Variants in SPIRE1 observed in about 807,000 individuals in gnomAD.
The protein encoded by SPIRE1 is protein spire homolog 1.
Under a neutral mutation model 94.1 loss-of-function variants are expected in SPIRE1, and 40 were observed. That is an observed-to-expected ratio of 0.43 (90% CI 0.33 to 0.55). The LOEUF is 0.55. Ranked by LOEUF, SPIRE1 falls within the 20% of genes least tolerant of loss-of-function variation. The probability of loss-of-function intolerance (pLI) is 0.06; values close to 1 mark genes in which losing one functional copy is unlikely to be tolerated. For synonymous variants in SPIRE1, 376 were observed against 371.7 expected (o/e 1.01, Z -0.13); for missense variants, 838 against 975.2 (o/e 0.86, Z 1.87).
chr18:12,588,618 A>C lies in SPIRE1; in HGVS notation c.373-41714T>G, dbSNP rs994960074. 1.1e-3 allele frequency among the ~76,000 whole-genome samples: 167 copies of C among 151,566 alleles called. 1 individual carries two copies. The highest frequency in any genetic ancestry group is 7.0e-3 in the East Asian group (36 of 5,164). Reference sequence around the variant, plus strand: ...CTTGTCTCACTTTAAAAAAAAAAAAAAAAAAAACCTCCGTGGACTTGCTCC... The same window carrying C: ...CTTGTCTCACTTTAAAAAAAAAAAACAAAAAAACCTCCGTGGACTTGCTCC... On this transcript the variant is annotated intron_variant, in intron 2 of 16. Coordinates refer to ENST00000409402, the MANE Select transcript of SPIRE1 (RefSeq NM_001128626.2).
chr18:12,505,931 T>C (rs554306337), intron 6 of SPIRE1, among the ~76,000 whole-genome samples: 3 of 152,296 alleles, frequency 2.0e-5, no homozygotes, highest in South Asian at 2.1e-4. Context: ...ATAAAGTGCA[T>C]AGAAACAAGG....
Position 12,621,315 on chromosome 18 carries a change from C to T in SPIRE1, c.372+13747G>A, listed in dbSNP as rs2037462299. ...GTTACTTTGAGAAACAGTTTGGAAG[C>T]TCTCAAAAAGTTAAAATATAGAGTT... On this transcript the variant is annotated intron_variant, in intron 2 of 16. Transcript: ENST00000409402. Among the ~76,000 whole-genome samples, 3 of 152,140 alleles carry T rather than the reference C, an allele frequency of 2.0e-5. No homozygotes were observed. In the South Asian group the frequency reaches 6.2e-4, roughly 31 times the overall value.
chr18:12,511,009 T>A (rs1419730868), intron 5 of SPIRE1, among the ~76,000 whole-genome samples: 1 of 152,188 alleles, frequency 6.6e-6, no homozygotes. Context: ...ATAAACCACA[T>A]TATCTGTTTT....
intron 2 of SPIRE1, among the ~76,000 whole-genome samples, chr18:12,634,444 G>GA (rs1006462873): frequency 4.0e-5 from 6 of 149,132 alleles, no homozygotes; most frequent in Non-Finnish European, 4.5e-5. Context: ...ACTGAATTAT[G>GA]AAAAAAAAAC....
chr18:12,506,339 G>T, intron 6 of SPIRE1, 138 bp downstream of exon 6: 1 of 703,098 alleles, frequency 1.4e-6, no homozygotes, highest in Non-Finnish European at 2.4e-6. Context: ...TGTATTTTTT[G>T]GTACAGACAG....
chr18:12,490,411 A>G (rs943556678), intron 8 of SPIRE1, among the ~76,000 whole-genome samples: 4 of 152,202 alleles, frequency 2.6e-5, no homozygotes, highest in Non-Finnish European at 4.4e-5. Context: ...AGAAGAATTA[A>G]TGCCAATCCC....
chr18:12,465,997 T>C (rs1287115203), intron 10 of SPIRE1, among the ~76,000 whole-genome samples: 3 of 151,620 alleles, frequency 2.0e-5, no homozygotes, highest in East Asian at 3.9e-4. Flanking sequence ...GGCAGGAGAA[T>C]TGCTTGACCC....
intron 4 of SPIRE1, among the ~76,000 whole-genome samples, chr18:12,534,146 C>G (rs1482972214): frequency 6.6e-6 from 1 of 152,150 alleles, no homozygotes; most frequent in East Asian, 1.9e-4. Context: ...GCTTAGAGCT[C>G]TTATTCATAT....
intron 1 of SPIRE1, among the ~76,000 whole-genome samples, chr18:12,644,785 G>C (rs1446073389): frequency 6.6e-6 from 1 of 152,084 alleles, no homozygotes; most frequent in Admixed American, 6.6e-5. Flanking sequence ...AAATAATTTG[G>C]AAGTATTCAT....
At chr18:12,535,738 T>C in intron 3 of SPIRE1, 137 bp from the exon 4 acceptor site, 1 of 655,274 alleles carries the variant, frequency 1.5e-6, no homozygotes. Context: ...AGGCAGATCA[T>C]GAGGTCGAGA....
At chr18:12,546,925 G>A (rs1279713462) in intron 2 of SPIRE1, 21 bp from the exon 3 acceptor site, 1 of 1,548,644 alleles carries the variant, frequency 6.5e-7, no homozygotes, top group Non-Finnish European at 8.8e-7. Context: ...TTAAAAAAGT[G>A]GTTAATGGAG....
chr18:12,616,604 T>C (rs985976084), intron 2 of SPIRE1, among the ~76,000 whole-genome samples: 8 of 152,354 alleles, frequency 5.3e-5, no homozygotes, highest in Middle Eastern at 3.4e-3. Context: ...CTAAGATCCT[T>C]TGAGAGATGT....
chr18:12,631,876 A>G (rs1332524449), intron 2 of SPIRE1, among the ~76,000 whole-genome samples: 2 of 152,050 alleles, frequency 1.3e-5, no homozygotes, highest in Non-Finnish European at 2.9e-5. Context: ...AAAAATACAC[A>G]TAAAATAAAA....
Position 12,657,653 on chromosome 18 carries a change from C to T in SPIRE1, c.214G>A (p.Ala72Thr), listed in dbSNP as rs2144922986. The T allele has an allele frequency of 4.5e-6, 6 of 1,322,352 alleles. No homozygotes were observed. The South Asian group carries it at 8.5e-5, about 19-fold the overall frequency. 81.9% of individuals were successfully genotyped at this position (1,322,352 alleles called of 1,614,324 possible). Residue 72 changes from alanine (A) to threonine (T), a missense_variant, in exon 1 of 17, where the codon GCC becomes ACC. Transcript: ENST00000409402. ...CYQCCGSLRA[A>T]ARRRQPRHRV... The stretch of plus-strand genomic sequence containing the variant: ...TGGCGGGGCTGGCGGCGGCGGGCGG[C>T]GGCGCGCAGGGAACCGCAGCACTGG...
rs200012142 is a variant in SPIRE1 at position 12,449,615 on chromosome 18, A to G, written c.*23T>C. On this transcript the variant is annotated 3_prime_UTR_variant, in exon 17 of 17. Coordinates refer to ENST00000409402, the MANE Select transcript of SPIRE1 (RefSeq NM_001128626.2). ...CGCACGGACGCTGACTCGTAGCACA[A>G]AAGCAGCTGAAAGGCACGAGGCTCA... is the stretch of plus-strand genomic sequence containing the variant. 70 of 1,609,600 alleles carry G rather than the reference A, an allele frequency of 4.3e-5. No homozygotes were observed. In the East Asian group the frequency reaches 1.0e-3, roughly 24 times the overall value.
chr18:12,613,358 C>A (rs1355688778), intron 2 of SPIRE1, among the ~76,000 whole-genome samples: 1 of 152,198 alleles, frequency 6.6e-6, no homozygotes, highest in Non-Finnish European at 1.5e-5. Context: ...CTTTGACATG[C>A]TGCTCCCGGC....
chr18:12,497,376 G>A (rs1418390603), intron 6 of SPIRE1, among the ~76,000 whole-genome samples: 1 of 152,022 alleles, frequency 6.6e-6, no homozygotes, highest in East Asian at 1.9e-4. Flanking sequence ...TGACCACTTA[G>A]AAGGCACAGT....
At chr18:12,468,745 C>T (rs2032224866) in intron 10 of SPIRE1, among the ~76,000 whole-genome samples, 1 of 152,040 alleles carries the variant, frequency 6.6e-6, no homozygotes, top group Non-Finnish European at 1.5e-5. Context: ...CTCTCCAGTT[C>T]AAAAATGTAA....
intron 6 of SPIRE1, among the ~76,000 whole-genome samples, chr18:12,505,075 G>A (rs2033785476): frequency 6.6e-6 from 1 of 152,164 alleles, no homozygotes; most frequent in South Asian, 2.1e-4. Context: ...TCTTCTGAGG[G>A]TGATGAAAAG....
Sources: gnomAD v4.1 joint callset for allele counts (sites outside exome capture counted in the v4.1 genomes callset) on GRCh38, gnomAD v4.1.1 for gene constraint, MANE v1.5 for transcripts, NCBI Gene and HGNC (gene_info 2026-07-23, HGNC 2026-07-21) for gene names.